The following TASP1 variants were observed in gnomAD, a reference collection of about 807,000 sequenced individuals.
TASP1 encodes the protein taspase 1, also known as threonine aspartase 1.
TASP1 carries 16 observed loss-of-function variants against 56.6 expected under a neutral mutation model. The ratio of observed to expected loss-of-function variants is 0.28; its 90% CI spans 0.19 to 0.43. The LOEUF (loss-of-function observed/expected upper bound fraction) is 0.43, where lower values mean the gene tolerates loss of function less well. Ranked by LOEUF, TASP1 falls within the 20% of genes least tolerant of loss-of-function variation. The pLI is 1.00. For synonymous variants in TASP1, 179 were observed against 184.2 expected, an observed-to-expected ratio of 0.97 and a Z score of 0.23; for missense variants, 393 against 511.6, an observed-to-expected ratio of 0.77 and a Z score of 2.24.
intron 11 of TASP1, among the ~76,000 whole-genome samples, chr20:13,462,160 A>C (rs1465149402): frequency 2.0e-5 from 3 of 152,180 alleles, no homozygotes; most frequent in Non-Finnish European, 4.4e-5. Flanking sequence ...AGGTTTTTAA[A>C]GAGTGAAATT....
At chr20:13,587,782 A>G (rs2047363004) in intron 4 of TASP1, among the ~76,000 whole-genome samples, 1 of 152,020 alleles carries the variant, frequency 6.6e-6, no homozygotes, top group Non-Finnish European at 1.5e-5. Context: ...CTTTCATGAG[A>G]AAAACAGAAA....
At chr20:13,502,268 T>C (rs1399958995) in intron 10 of TASP1, among the ~76,000 whole-genome samples, 2 of 151,954 alleles carry the variant, frequency 1.3e-5, no homozygotes, top group African/African-American at 4.8e-5. Flanking sequence ...TTCCTCTGGG[T>C]AGCCAAATAG....
At chr20:13,204,886 A>T in the TASP1 span, among the ~76,000 whole-genome samples, 1 of 152,094 alleles carries the variant, frequency 6.6e-6, no homozygotes, top group African/African-American at 2.4e-5. Context: ...ACCACGGTGG[A>T]AATTGTCTGC....
chr20:13,406,708 C>T (rs578093596), intron 13 of TASP1, among the ~76,000 whole-genome samples: 2 of 150,330 alleles, frequency 1.3e-5, no homozygotes, highest in East Asian at 3.9e-4. Context: ...ACTCTGTCAC[C>T]CAGGCTGGAG....
At chr20:13,506,377 T>C (rs1329151228) in intron 10 of TASP1, among the ~76,000 whole-genome samples, 2 of 152,290 alleles carry the variant, frequency 1.3e-5, no homozygotes, top group East Asian at 3.9e-4. Flanking sequence ...GAGGGAATAT[T>C]TCCAAACTCA....
the TASP1 span, among the ~76,000 whole-genome samples, chr20:13,143,407 T>C: frequency 5.3e-5 from 8 of 152,274 alleles, no homozygotes; most frequent in African/African-American, 1.9e-4. Flanking sequence ...AACTGCTTAA[T>C]ATTTAATCCT....
chr20:13,302,816 G>C, the TASP1 span, among the ~76,000 whole-genome samples: 1 of 152,156 alleles, frequency 6.6e-6, no homozygotes, highest in Admixed American at 6.6e-5. Context: ...AGATGCCCAC[G>C]GCCCTCTAGT....
intron 4 of TASP1, among the ~76,000 whole-genome samples, chr20:13,596,603 A>T (rs2047742353): frequency 6.6e-6 from 1 of 152,178 alleles, no homozygotes; most frequent in Non-Finnish European, 1.5e-5. Context: ...TCAACACCGT[A>T]ATATCACAAT....
At chr20:13,534,665 G>T (rs1210637725) in intron 8 of TASP1, among the ~76,000 whole-genome samples, 2 of 152,126 alleles carry the variant, frequency 1.3e-5, no homozygotes, top group African/African-American at 4.8e-5. Context: ...AGAGTTCCTT[G>T]TTTGTGAGAA....
At chr20:13,379,873 C>A in the TASP1 span, among the ~76,000 whole-genome samples, 1 of 152,162 alleles carries the variant, frequency 6.6e-6, no homozygotes, top group Non-Finnish European at 1.5e-5. Context: ...TGGCTGTTGA[C>A]ACTTGTGTAT....
the TASP1 span, among the ~76,000 whole-genome samples, chr20:13,344,794 T>A: frequency 2.6e-5 from 4 of 152,332 alleles, no homozygotes; most frequent in South Asian, 6.2e-4. Flanking sequence ...CCTCTCCATC[T>A]GTGTGGGCTA....
At chr20:13,269,920 G>A in the TASP1 span, among the ~76,000 whole-genome samples, 4 of 151,906 alleles carry the variant, frequency 2.6e-5, no homozygotes, top group Admixed American at 1.3e-4. Flanking sequence ...TGGATGGATG[G>A]GTGTGTGGGT....
At chr20:13,208,871 G>C in the TASP1 span, among the ~76,000 whole-genome samples, 1 of 152,200 alleles carries the variant, frequency 6.6e-6, no homozygotes, top group Non-Finnish European at 1.5e-5. Context: ...ATAGACTTGT[G>C]AGAAATAATA....
intron 4 of TASP1, among the ~76,000 whole-genome samples, chr20:13,613,515 G>C (rs144224861): frequency 6.6e-6 from 1 of 151,702 alleles, no homozygotes; most frequent in Non-Finnish European, 1.5e-5. Context: ...ATTCATTTTC[G>C]GGTCACTGAA....
chr20:13,315,249 G>A, the TASP1 span, among the ~76,000 whole-genome samples: 2 of 151,962 alleles, frequency 1.3e-5, no homozygotes, highest in Admixed American at 6.5e-5. Context: ...GAAAAACAGA[G>A]GTTCTCCTAG....
chr20:13,384,302 C>T, the TASP1 span, among the ~76,000 whole-genome samples: 3 of 152,200 alleles, frequency 2.0e-5, no homozygotes, highest in African/African-American at 7.2e-5. Context: ...GGTTTCAGGG[C>T]TTCAGTAACT....
At chr20:13,227,398 T>C in the TASP1 span, among the ~76,000 whole-genome samples, 1 of 150,818 alleles carries the variant, frequency 6.6e-6, no homozygotes, top group Non-Finnish European at 1.5e-5. Flanking sequence ...GGAGACAGGG[T>C]TTCACCGTGT....
chr20:13,440,477 A>G (rs2043175397), intron 11 of TASP1, among the ~76,000 whole-genome samples: 1 of 152,166 alleles, frequency 6.6e-6, no homozygotes, highest in South Asian at 2.1e-4. Flanking sequence ...GGGGAGGGAA[A>G]AATAAACTGA....
At chr20:13,165,000 G>A in the TASP1 span, 5 of 649,604 alleles carry the variant, frequency 7.7e-6, no homozygotes, top group African/African-American at 3.7e-5. Context: ...ATTGAACTGA[G>A]GGAGACGTTG....
Sources: gnomAD v4.1 joint callset for allele counts (sites outside exome capture counted in the v4.1 genomes callset) on GRCh38, gnomAD v4.1.1 for gene constraint, MANE v1.5 for transcripts, NCBI Gene and HGNC (gene_info 2026-07-23, HGNC 2026-07-21) for gene names.